CCSER1: variants seen among roughly 807,000 people sequenced by gnomAD.
The protein encoded by CCSER1 is serine-rich coiled-coil domain-containing protein 1.
CCSER1 carries 41 observed loss-of-function variants against 82.0 expected under a neutral mutation model. That is an observed-to-expected ratio of 0.50 (90% CI 0.39 to 0.65). The LOEUF (loss-of-function observed/expected upper bound fraction) is 0.65, where lower values mean the gene tolerates loss of function less well. Among genes scored for constraint, CCSER1 ranks in the 30% least tolerant of loss-of-function variants. The pLI is 0.00. For missense variants in CCSER1, 1,119 were observed against 1,064.2 expected (o/e 1.05, Z -0.72); for synonymous variants, 414 against 383.9 (o/e 1.08, Z -0.92).
chr4:90,653,860 G>A (rs1729220789), intron 6 of CCSER1, among the ~76,000 whole-genome samples: 1 of 152,142 alleles, frequency 6.6e-6, no homozygotes, highest in African/African-American at 2.4e-5. Context: ...AATTTATGAA[G>A]AAAAGATATT....
intron 7 of CCSER1, among the ~76,000 whole-genome samples, chr4:90,726,198 T>G (rs941940940): frequency 6.6e-6 from 1 of 152,052 alleles, no homozygotes; most frequent in African/African-American, 2.4e-5. Flanking sequence ...TGGAGGAAGA[T>G]ACCTTGTTTT....
At chr4:91,232,678 T>C (rs896154576) in intron 10 of CCSER1, among the ~76,000 whole-genome samples, 2 of 151,834 alleles carry the variant, frequency 1.3e-5, no homozygotes, top group Admixed American at 6.6e-5. Flanking sequence ...TCTGTATTTA[T>C]ATTGAATTAC....
chr4:90,974,506 A>G lies in CCSER1; in HGVS notation c.2172+51059A>G, dbSNP rs547136447. On this transcript the variant is annotated intron_variant, in intron 9 of 10. Transcript: ENST00000509176. ...GTGAAAATACAGCCTCCAGAATGGA[A>G]GAACATATTTGTAAATCATGTGTTT... Among the ~76,000 whole-genome samples the G allele has an allele frequency of 3.8e-3, 579 of 151,412 alleles. 11 individuals carry two copies. The highest frequency in any genetic ancestry group is 0.013 in the African/African-American group (553 of 41,366).
rs1755357908 is a variant in CCSER1, at chr4:91,443,653, A to C, written c.2218-154919A>C. ...CGTGTACCCTAAAACTTAAAGTATA[A>C]TAATAATAAAATAATAATAAAATAA... On this transcript the variant is annotated intron_variant, in intron 10 of 10. Coordinates refer to ENST00000509176, the MANE Select transcript of CCSER1 (RefSeq NM_001145065.2). Among the ~76,000 whole-genome samples, 4 of 150,184 alleles carry C rather than the reference A, an allele frequency of 2.7e-5. No individual in the cohort carries two copies. In the South Asian group the frequency reaches 8.4e-4, roughly 31 times the overall value.
intron 10 of CCSER1, among the ~76,000 whole-genome samples, chr4:91,296,485 A>ATTTTTT (rs1553921465): frequency 1.4e-5 from 2 of 140,974 alleles, no homozygotes; most frequent in East Asian, 4.0e-4. Flanking sequence ...ATATATATAT[A>ATTTTTT]TTTTAATTAA....
rs1752715889 is a variant in CCSER1 at position 91,406,574 on chromosome 4, T to C, written c.2218-191998T>C. On this transcript the variant is annotated intron_variant, in intron 10 of 10. Transcript: ENST00000509176. ...AATACACGCTAGTAAATTCTAGAGC[T>C]GATAGAAACAGTAGTGCTAGTTATC... 3.3e-5 allele frequency among the ~76,000 whole-genome samples: 5 copies of C among 152,204 alleles called. No homozygotes were observed. The South Asian group carries it at 1.0e-3, about 31-fold the overall frequency.
chr4:91,387,196 TA>T (rs1751351503), intron 10 of CCSER1, among the ~76,000 whole-genome samples: 1 of 151,920 alleles, frequency 6.6e-6, no homozygotes, highest in South Asian at 2.1e-4. Context: ...TATTTAGGGA[TA>T]AAAATATATA....
intron 4 of CCSER1, among the ~76,000 whole-genome samples, chr4:90,437,959 G>T (rs891009324): frequency 6.6e-6 from 1 of 152,078 alleles, no homozygotes; most frequent in African/African-American, 2.4e-5. Context: ...GAGAGGCTTG[G>T]TTTAAAGTGC....
At chr4:90,699,778 G>A (rs146836370) in intron 6 of CCSER1, among the ~76,000 whole-genome samples, 1 of 152,190 alleles carries the variant, frequency 6.6e-6, no homozygotes, top group Non-Finnish European at 1.5e-5. Flanking sequence ...TCAATGTGAT[G>A]ATGGTAGGAT....
chr4:90,141,997 G>A (rs1000013298), intron 1 of CCSER1, among the ~76,000 whole-genome samples: 8 of 152,160 alleles, frequency 5.3e-5, no homozygotes, highest in Non-Finnish European at 5.9e-5. Flanking sequence ...GGACTGTCAC[G>A]TTTTATTGAT....
chr4:90,626,371 T>C (rs930044479), intron 5 of CCSER1, among the ~76,000 whole-genome samples: 2 of 152,306 alleles, frequency 1.3e-5, no homozygotes, highest in Middle Eastern at 3.4e-3. Context: ...TACCGTGACT[T>C]CTAATTTTTA....
Position 91,372,770 on chromosome 4 carries a change from C to T in CCSER1, c.2218-225802C>T, listed in dbSNP as rs112405930. Reference sequence around the variant, plus strand: ...GTAGTTTATTATGTCTTCTGTGTAGCGGGTGCACATGAATAATAATATCTA... The same window carrying T: ...GTAGTTTATTATGTCTTCTGTGTAGTGGGTGCACATGAATAATAATATCTA... On this transcript the variant is annotated intron_variant, in intron 10 of 10. Transcript: ENST00000509176. Among the ~76,000 whole-genome samples, 90 of 151,938 alleles carry T rather than the reference C, an allele frequency of 5.9e-4. 1 individual carries two copies. Among genetic ancestry groups the T allele is most frequent in the African/African-American group, 4.3e-4 (18 of 41,444 alleles).
chr4:90,643,351 G>C (rs1397164904), intron 6 of CCSER1, among the ~76,000 whole-genome samples: 1 of 152,116 alleles, frequency 6.6e-6, no homozygotes, highest in East Asian at 1.9e-4. Flanking sequence ...GATTTGTCCT[G>C]GGCCTGTCAT....
At chr4:90,341,140 T>G (rs1005889788) in intron 3 of CCSER1, among the ~76,000 whole-genome samples, 1 of 152,144 alleles carries the variant, frequency 6.6e-6, no homozygotes. Context: ...GCACTGTTTT[T>G]GAAAATCACT....
At chr4:91,486,632 T>A (rs1203135564) in intron 10 of CCSER1, among the ~76,000 whole-genome samples, 1 of 152,112 alleles carries the variant, frequency 6.6e-6, no homozygotes, top group African/African-American at 2.4e-5. Flanking sequence ...AACACAAATT[T>A]AAAAATACAG....
At chr4:90,389,468 G>A (rs573174598) in intron 3 of CCSER1, among the ~76,000 whole-genome samples, 4 of 152,230 alleles carry the variant, frequency 2.6e-5, no homozygotes, top group African/African-American at 9.6e-5. Flanking sequence ...GGAAACTGCT[G>A]TTCTTCATCA....
chr4:91,215,033 G>GT (rs1407773658), intron 10 of CCSER1, among the ~76,000 whole-genome samples: 2 of 151,900 alleles, frequency 1.3e-5, no homozygotes, highest in Non-Finnish European at 2.9e-5. Flanking sequence ...GGGATCTATT[G>GT]TTTTTTCTTT....
intron 5 of CCSER1, among the ~76,000 whole-genome samples, chr4:90,611,497 G>A (rs989379282): frequency 6.6e-6 from 1 of 151,504 alleles, no homozygotes; most frequent in East Asian, 1.9e-4. Context: ...TGATCCCAGG[G>A]GTAGAAGATA....
Position 90,928,593 on chromosome 4 carries a change from G to A in CCSER1, c.2172+5146G>A, listed in dbSNP as rs146378636. On this transcript the variant is annotated intron_variant, in intron 9 of 10. Coordinates refer to ENST00000509176, the MANE Select transcript of CCSER1 (RefSeq NM_001145065.2). ...GAAAGCAATGTGAAAAATAAAAATA[G>A]CACAGAGAAAGAATAATTCTAAGTG... Among the ~76,000 whole-genome samples the A allele has an allele frequency of 6.8e-3, 1,042 of 152,198 alleles. 49 individuals are homozygous for A. The highest frequency in any genetic ancestry group is 0.058 in the Admixed American group (885 of 15,278).
Sources: allele counts gnomAD v4.1 joint callset (sites outside exome capture counted in the v4.1 genomes callset), GRCh38; gene constraint gnomAD v4.1.1; transcripts MANE v1.5; gene names NCBI Gene and HGNC (gene_info 2026-07-23, HGNC 2026-07-21).